BPTF: variants seen among roughly 807,000 people sequenced by gnomAD.
The protein encoded by BPTF is bromodomain PHD finger transcription factor.
Under a neutral mutation model 292.5 loss-of-function variants are expected in BPTF, and 18 were observed. The observed-to-expected ratio is 0.06, with a 90% CI of 0.04 to 0.09. The LOEUF (loss-of-function observed/expected upper bound fraction) is 0.09. BPTF is among the 10% of genes least tolerant of loss of function. BPTF has a pLI of 1.00. For missense variants in BPTF, 2,726 were observed against 3,498.7 expected (o/e 0.78, Z 5.57); for synonymous variants, 1,225 against 1,251.9 (o/e 0.98, Z 0.45).
intron 12 of BPTF, 112 bp downstream of exon 12, chr17:67,918,950 A>C (rs560572573): frequency 8.7e-7 from 1 of 1,146,158 alleles, no homozygotes; most frequent in Non-Finnish European, 1.2e-6. Context: ...AGGCAGGTGG[A>C]TCATGAGGTC....
intron 4 of BPTF, among the ~76,000 whole-genome samples, chr17:67,887,285 TA>T (rs1159330169): frequency 6.6e-6 from 1 of 152,216 alleles, no homozygotes; most frequent in Non-Finnish European, 1.5e-5. Context: ...CACTTTTTCC[TA>T]ATGAGTTTTG....
intron 23 of BPTF, chr17:67,951,876 C>G (rs782186020): frequency 6.6e-6 from 1 of 151,504 alleles, no homozygotes; most frequent in African/African-American, 2.4e-5. Flanking sequence ...GCTGACACGG[C>G]GAAACCCCAT....
At chr17:67,866,770 G>T (rs1376177813) in intron 3 of BPTF, 83 bp downstream of exon 3, 4 of 1,126,684 alleles carry the variant, frequency 3.6e-6, no homozygotes, top group Non-Finnish European at 5.2e-6. Flanking sequence ...TTTGAAAATA[G>T]ATTAAAATTT....
At chr17:67,927,254 G>A (rs907488804) in intron 15 of BPTF, among the ~76,000 whole-genome samples, 6 of 152,154 alleles carry the variant, frequency 3.9e-5, no homozygotes, top group African/African-American at 1.4e-4. Context: ...TGAAGGTAAA[G>A]CATCTGCCAC....
At chr17:67,857,166 T>C (rs1177588192) in intron 2 of BPTF, among the ~76,000 whole-genome samples, 2 of 133,750 alleles carry the variant, frequency 1.5e-5, no homozygotes, top group African/African-American at 6.9e-5. Context: ...TTTTTTTTTT[T>C]TTTTTTTGAG....
chr17:67,906,236 A>G (rs2062183005), intron 9 of BPTF, among the ~76,000 whole-genome samples: 1 of 152,036 alleles, frequency 6.6e-6, no homozygotes, highest in African/African-American at 2.4e-5. Context: ...GCACACCACC[A>G]TGCCCAGCTA....
chr17:67,966,835 C>T (rs2068152621), intron 26 of BPTF, among the ~76,000 whole-genome samples, 179 bp downstream of exon 26: 1 of 152,100 alleles, frequency 6.6e-6, no homozygotes, highest in Non-Finnish European at 1.5e-5. Context: ...GGTGCGGTGG[C>T]TCACGCCTGT....
chr17:67,859,333 A>T (rs779165514), intron 2 of BPTF, among the ~76,000 whole-genome samples: 20 of 152,080 alleles, frequency 1.3e-4, no homozygotes, highest in African/African-American at 3.9e-4. Context: ...TTTTATTTTG[A>T]AGAGGTCTCA....
At chr17:67,927,182 T>C (rs2063989851) in intron 15 of BPTF, among the ~76,000 whole-genome samples, 1 of 152,188 alleles carries the variant, frequency 6.6e-6, no homozygotes, top group Non-Finnish European at 1.5e-5. Context: ...CTTAACTAGC[T>C]CTGTGGCCTT....
At chr17:67,929,117 G>A in intron 16 of BPTF, 3 of 1,323,940 alleles carry the variant, frequency 2.3e-6, no homozygotes, top group Non-Finnish European at 2.9e-6. Flanking sequence ...AGCAACACAA[G>A]GAGGTAAGGG....
chr17:67,879,176 C>G (rs2060234229), intron 4 of BPTF, among the ~76,000 whole-genome samples: 1 of 130,868 alleles, frequency 7.6e-6, no homozygotes, highest in African/African-American at 2.8e-5. Flanking sequence ...GAGTTTCAGT[C>G]TTTCGCCCAG....
intron 24 of BPTF, among the ~76,000 whole-genome samples, chr17:67,961,351 A>G (rs1598937360): frequency 2.0e-5 from 3 of 152,168 alleles, no homozygotes; most frequent in African/African-American, 7.2e-5. Context: ...AGTTGAGATG[A>G]GTTAGTGTTT....
intron 2 of BPTF, among the ~76,000 whole-genome samples, chr17:67,855,918 G>A (rs890743484): frequency 1.3e-5 from 2 of 152,186 alleles, no homozygotes; most frequent in Non-Finnish European, 2.9e-5. Context: ...GGAAGCTTAC[G>A]GAATCTTCGC....
intron 5 of BPTF, among the ~76,000 whole-genome samples, chr17:67,893,043 G>GA (rs959284080): frequency 3.0e-4 from 45 of 151,958 alleles, no homozygotes; most frequent in Admixed American, 2.6e-4. Flanking sequence ...TTATAAACTT[G>GA]AAAAAAATGA....
chr17:67,934,470 G>A (rs1489668366), intron 18 of BPTF, among the ~76,000 whole-genome samples: 1 of 151,412 alleles, frequency 6.6e-6, no homozygotes. Context: ...AGTGAGCGGA[G>A]ATTGCACCAC....
At chr17:67,829,863 A>G (rs2056502769) in intron 1 of BPTF, among the ~76,000 whole-genome samples, 1 of 152,224 alleles carries the variant, frequency 6.6e-6, no homozygotes, top group African/African-American at 2.4e-5. Flanking sequence ...GAAATAACTC[A>G]GTATTTTGTA....
At chr17:67,944,493 A>C in intron 20 of BPTF, 121 bp downstream of exon 20, 22 of 1,063,500 alleles carry the variant, frequency 2.1e-5, no homozygotes, top group African/African-American at 3.1e-5. Context: ...CAGTGACCTC[A>C]ACAGTTGACA....
At chr17:67,899,200 A>T (rs978495348) in intron 7 of BPTF, among the ~76,000 whole-genome samples, 1 of 152,214 alleles carries the variant, frequency 6.6e-6, no homozygotes, top group Non-Finnish European at 1.5e-5. Context: ...CAGCCTACCC[A>T]CAAAGGCCAA....
At chr17:67,896,064 G>A (rs981092823) in intron 7 of BPTF, among the ~76,000 whole-genome samples, 9 of 151,126 alleles carry the variant, frequency 6.0e-5, no homozygotes, top group East Asian at 5.9e-4. Context: ...CCGGGTTCAC[G>A]CCATTCTCCT....
Sources: allele counts gnomAD v4.1 joint callset (sites outside exome capture counted in the v4.1 genomes callset), GRCh38; gene constraint gnomAD v4.1.1; transcripts MANE v1.5; gene names NCBI Gene and HGNC (gene_info 2026-07-23, HGNC 2026-07-21).